The following ZNF556 variants were observed in gnomAD, a reference collection of about 807,000 sequenced individuals.
ZNF556 encodes zinc finger protein 556.
In ZNF556, 11 loss-of-function variants were observed where a neutral mutation model predicts 13.6. The observed-to-expected ratio is 0.81, with a 90% CI of 0.51 to 1.33. ZNF556 has a LOEUF of 1.33. Among genes scored for constraint, ZNF556 ranks in the 40% most tolerant of loss-of-function variants. The pLI, the probability that ZNF556 is intolerant of heterozygous loss-of-function variation, is 0.00. For synonymous variants in ZNF556, 229 were observed against 207.8 expected (o/e 1.10, Z -0.88); for missense variants, 633 against 566.2 (o/e 1.12, Z -1.20).
chr19:2,875,956 T>G (rs1307131635), intron 2 of ZNF556, 137 bp from the exon 3 acceptor site: 3 of 759,866 alleles, frequency 3.9e-6, no homozygotes, highest in Non-Finnish European at 5.8e-6. Context: ...AGAGTGAGAC[T>G]CCGTCTCAAA....
chr19:2,875,869 C>T (rs2087846852), intron 2 of ZNF556, among the ~76,000 whole-genome samples: 1 of 151,916 alleles, frequency 6.6e-6, no homozygotes, highest in South Asian at 2.1e-4. Context: ...GAGGCTGAGA[C>T]AGGAGAATCG....
rs183672222 is a variant in ZNF556 at position 2,871,486 on chromosome 19, G to A, written c.4-2010G>A. Among the ~76,000 whole-genome samples, 99 of 152,222 alleles carry A rather than the reference G, an allele frequency of 6.5e-4. 1 individual carries two copies. The highest frequency in any genetic ancestry group is 2.2e-3 in the African/African-American group (91 of 41,510). On this transcript the variant is annotated intron_variant, in intron 1 of 3. Coordinates refer to ENST00000307635, the MANE Select transcript of ZNF556 (RefSeq NM_024967.3). ...AATTCTCTACATCCAGTGTCCAAAT[G>A]GTGACTGTATTTAAGGATACTGTAA...
At position 2,880,523 on chromosome 19, in the gene ZNF556, C is replaced by G. The variant is rs529216597; in HGVS notation, c.*2194C>G. 6.6e-6 allele frequency: 1 copy of G among 152,198 alleles called. No individual in the cohort carries two copies. The highest frequency in any genetic ancestry group is 2.1e-4 in the South Asian group (1 of 4,824). 9.4% of individuals were successfully genotyped at this position (152,198 alleles called of 1,614,324 possible). A position where few individuals can be genotyped will look rare whatever the true frequency, so the allele number is the denominator to read the frequency against. On this transcript the variant is annotated 3_prime_UTR_variant, in exon 4 of 4. Transcript: ENST00000307635. ...GTGGCTCACGCCTGTAATCCCAGCACTTTGGGGAGGCCAAGGCGGGCAGAT... is the reference window on the plus strand; with the variant it reads ...GTGGCTCACGCCTGTAATCCCAGCAGTTTGGGGAGGCCAAGGCGGGCAGAT...
Position 2,883,180 on chromosome 19 carries a change from G to A in ZNF556, c.*4851G>A, listed in dbSNP as rs2144900624. ...TGAGGATAAAATCTATGGACGGTGAGAGAACTAGTCAAGGAATAACTGAAG... is the reference window on the plus strand; with the variant it reads ...TGAGGATAAAATCTATGGACGGTGAAAGAACTAGTCAAGGAATAACTGAAG... On this transcript the variant is annotated 3_prime_UTR_variant, in exon 4 of 4. Transcript: ENST00000307635. 6.6e-6 allele frequency: 1 copy of A among 152,276 alleles called. No individual in the cohort carries two copies. The highest frequency in any genetic ancestry group is 2.1e-4 in the South Asian group (1 of 4,830). The allele number at this position is 152,276 out of a possible 1,614,324, so 9.4% of individuals were successfully genotyped here.
rs903263446 is a variant in ZNF556 at position 2,872,761 on chromosome 19, A to G, written c.4-735A>G. On this transcript the variant is annotated intron_variant, in intron 1 of 3. Coordinates refer to ENST00000307635, the MANE Select transcript of ZNF556 (RefSeq NM_024967.3). ...TTGAACCCGGGAGGTGGAGGTTGCAATGAGCCGGGATCGCGCCACTGCACT... is the reference window on the plus strand; with the variant it reads ...TTGAACCCGGGAGGTGGAGGTTGCAGTGAGCCGGGATCGCGCCACTGCACT... Among the ~76,000 whole-genome samples, 202 of 147,600 alleles carry G rather than the reference A, an allele frequency of 1.4e-3. 2 individuals carry two copies. The highest frequency in any genetic ancestry group is 4.9e-3 in the African/African-American group (194 of 39,990).
rs759204047 is a variant in ZNF556, at chr19:2,877,526, C to G, written c.568C>G (p.Leu190Val). ...CGKAFSRPSY[L>V]QTHEKTHSGE... ...GAAAGCCTTCAGTCGCCCTTCCTACCTACAGACGCATGAGAAAACTCACAG... is the reference window on the plus strand; with the variant it reads ...GAAAGCCTTCAGTCGCCCTTCCTACGTACAGACGCATGAGAAAACTCACAG... Residue 190 changes from leucine (L) to valine (V), a missense_variant, in exon 4 of 4, where the codon CTA becomes GTA. Leu to Val is a conservative substitution (Grantham distance 32). Coordinates refer to ENST00000307635, the MANE Select transcript of ZNF556 (RefSeq NM_024967.3). 6.2e-7 allele frequency: 1 copy of G among 1,613,724 alleles called. No individual in the cohort carries two copies. The highest frequency in any genetic ancestry group is 1.7e-5 in the Admixed American group (1 of 59,968).
Position 2,878,249 on chromosome 19 carries a change from G to A in ZNF556, c.1291G>A (p.Gly431Arg). 1 of 1,614,112 alleles carries A rather than the reference G, an allele frequency of 6.2e-7. No homozygotes were observed. The change falls in exon 4 of 4, where the codon GGG (glycine) becomes AGG (arginine). Residue 431 changes from glycine (G) to arginine (R), a missense_variant. Physicochemically the swap from Gly to Arg is moderately radical, Grantham distance 125. Coordinates refer to ENST00000307635, the MANE Select transcript of ZNF556 (RefSeq NM_024967.3). Reference sequence around the variant, plus strand: ...GAAGCCCAGTAAATGCGAAAAATGTGGGAAAGCTTTCAGTTGTCCCAAAGC... The same window carrying A: ...GAAGCCCAGTAAATGCGAAAAATGTAGGAAAGCTTTCAGTTGTCCCAAAGC... Reference protein sequence around the residue: ...GQKPSKCEKCGKAFSCPKAFQ... With the variant: ...GQKPSKCEKCRKAFSCPKAFQ...
At chr19:2,869,658 C>T (rs4806883) in intron 1 of ZNF556, among the ~76,000 whole-genome samples, 42,335 of 152,080 alleles carry the variant, frequency 0.28, 7,393 homozygotes, top group East Asian at 0.67. Flanking sequence ...TGAGCCACCG[C>T]GCCCGGCCTA....
Position 2,878,362 on chromosome 19 carries a change from C to T in ZNF556, c.*33C>T, listed in dbSNP as rs745843058. ...AAACCTGTGCAAATTAATTCACATA[C>T]ATGGTTCAGAAAATTCACAGCAGGA... On this transcript the variant is annotated 3_prime_UTR_variant, in exon 4 of 4. Coordinates refer to ENST00000307635, the MANE Select transcript of ZNF556 (RefSeq NM_024967.3). The T allele has an allele frequency of 5.0e-6, 8 of 1,593,558 alleles. No individual in the cohort carries two copies. The highest frequency in any genetic ancestry group is 6.8e-6 in the Non-Finnish European group (8 of 1,169,332).
At chr19:2,870,393 G>A (rs72984603) in intron 1 of ZNF556, among the ~76,000 whole-genome samples, 3,129 of 152,268 alleles carry the variant, frequency 0.021, 45 homozygotes, top group Non-Finnish European at 0.035. Context: ...TCAAGGCTGC[G>A]GCGAGTTCTC....
intron 3 of ZNF556, among the ~76,000 whole-genome samples, chr19:2,876,735 T>C (rs756066388): frequency 2.6e-5 from 4 of 151,806 alleles, no homozygotes; most frequent in African/African-American, 4.8e-5. Flanking sequence ...AAAAAAATGA[T>C]AATTCTGTTA....
chr19:2,876,955 G>A (rs1202719799), intron 3 of ZNF556, among the ~76,000 whole-genome samples: 1 of 152,026 alleles, frequency 6.6e-6, no homozygotes, highest in Non-Finnish European at 1.5e-5. Flanking sequence ...GCTTATGCCT[G>A]TAATCCCAGC....
chr19:2,871,965 CAG>C (rs545770349), intron 1 of ZNF556, among the ~76,000 whole-genome samples: 1 of 151,788 alleles, frequency 6.6e-6, no homozygotes, highest in African/African-American at 2.4e-5. Flanking sequence ...GCAGCCGAGG[CAG>C]AGAGAGAGAG....
Position 2,873,686 on chromosome 19 carries a change from G to C in ZNF556, c.130+64G>C. On this transcript the variant is annotated intron_variant, in intron 2 of 3. Transcript: ENST00000307635. ...ATAAATGTTTTGTCTGGTTGCAGTG[G>C]TTCATGCCTGTATTCCCAGTGCTTT... 2.6e-6 allele frequency: 4 copies of C among 1,559,170 alleles called. No homozygotes were observed. The Admixed American group carries it at 6.9e-5, about 27-fold the overall frequency.
chr19:2,873,258 T>C (rs979194179), intron 1 of ZNF556, among the ~76,000 whole-genome samples: 3 of 152,216 alleles, frequency 2.0e-5, no homozygotes, highest in African/African-American at 7.2e-5. Context: ...TCCCAGTGTA[T>C]ATGTGTATCA....
Position 2,877,842 on chromosome 19 carries a change from C to G in ZNF556, c.884C>G (p.Ala295Gly). Reference protein sequence around the residue: ...RPYECKQCGKAYCWATSFQRH... With the variant: ...RPYECKQCGKGYCWATSFQRH... Reference sequence around the variant, plus strand: ...TATGAGTGCAAGCAGTGTGGGAAAGCCTACTGCTGGGCAACATCCTTTCAA... The same window carrying G: ...TATGAGTGCAAGCAGTGTGGGAAAGGCTACTGCTGGGCAACATCCTTTCAA... Residue 295 changes from alanine (A) to glycine (G), a missense_variant, in exon 4 of 4, where the codon GCC becomes GGC. By Grantham distance (60) the Ala-to-Gly change is moderately conservative (BLOSUM62 0). Transcript: ENST00000307635. 1 of 1,614,200 alleles carries G rather than the reference C, an allele frequency of 6.2e-7. No homozygotes were observed.
At position 2,870,620 on chromosome 19, in the gene ZNF556, G is replaced by C. The variant is rs1252489961; in HGVS notation, c.4-2876G>C. ...AAATCAGTTGGACGTGGTGGCACAC[G>C]CCTGTAATCCCAGCTACTCGGGAGG... On this transcript the variant is annotated intron_variant, in intron 1 of 3. Coordinates refer to ENST00000307635, the MANE Select transcript of ZNF556 (RefSeq NM_024967.3). Among the ~76,000 whole-genome samples the C allele has an allele frequency of 2.0e-5, 3 of 151,968 alleles. No homozygotes were observed. The East Asian group carries it at 5.8e-4, about 29-fold the overall frequency.
chr19:2,874,547 A>T (rs1955530716), intron 2 of ZNF556, among the ~76,000 whole-genome samples: 2 of 151,938 alleles, frequency 1.3e-5, no homozygotes, highest in Admixed American at 1.3e-4. Flanking sequence ...GTTTGATACC[A>T]TCCTGGCTAA....
rs756743484 is a variant in ZNF556, at chr19:2,878,360, T to C, written c.*31T>C. The C allele has an allele frequency of 6.3e-6, 10 of 1,595,210 alleles. No homozygotes were observed. Among genetic ancestry groups the C allele is most frequent in the Non-Finnish European group, 8.5e-6 (10 of 1,170,330 alleles). On this transcript the variant is annotated 3_prime_UTR_variant, in exon 4 of 4. Coordinates refer to ENST00000307635, the MANE Select transcript of ZNF556 (RefSeq NM_024967.3). ...GAAAACCTGTGCAAATTAATTCACA[T>C]ACATGGTTCAGAAAATTCACAGCAG...
Sources: allele counts gnomAD v4.1 joint callset (sites outside exome capture counted in the v4.1 genomes callset), GRCh38; gene constraint gnomAD v4.1.1; transcripts MANE v1.5; gene names NCBI Gene and HGNC (gene_info 2026-07-23, HGNC 2026-07-21).